AGBL4: variants seen among roughly 807,000 people sequenced by gnomAD.
AGBL4 encodes the protein AGBL carboxypeptidase 4.
A neutral mutation model predicts 66.4 loss-of-function variants in AGBL4; 58 were observed. That is an observed-to-expected ratio of 0.87 (90% confidence interval 0.71 to 1.09). The LOEUF (loss-of-function observed/expected upper bound fraction) is 1.09, where lower values mean the gene tolerates loss of function less well. AGBL4 is among the 50% of genes least tolerant of loss of function. The pLI is 0.00. For missense variants in AGBL4, 579 were observed against 631.0 expected, an observed-to-expected ratio of 0.92 and a Z score of 0.88; for synonymous variants, 234 against 222.9, an observed-to-expected ratio of 1.05 and a Z score of -0.44.
At chr1:49,417,263 G>A (rs974754193) in intron 3 of AGBL4, among the ~76,000 whole-genome samples, 3 of 152,002 alleles carry the variant, frequency 2.0e-5, no homozygotes, top group African/African-American at 7.2e-5. Context: ...TAATCAAGCA[G>A]TTCATTAAAC....
chr1:49,301,025 T>C (rs1644735467), intron 3 of AGBL4, among the ~76,000 whole-genome samples: 1 of 152,216 alleles, frequency 6.6e-6, no homozygotes, highest in Non-Finnish European at 1.5e-5. Context: ...TAAGAGCTCC[T>C]TGAGGACAAG....
At chr1:49,978,061 T>C (rs1397950570) in intron 1 of AGBL4, among the ~76,000 whole-genome samples, 1 of 152,228 alleles carries the variant, frequency 6.6e-6, no homozygotes, top group Admixed American at 6.5e-5. Flanking sequence ...CAAATTTGAC[T>C]GAAAATTTGG....
At chr1:48,950,377 C>T (rs1009222206) in intron 5 of AGBL4, among the ~76,000 whole-genome samples, 1 of 152,152 alleles carries the variant, frequency 6.6e-6, no homozygotes, top group African/African-American at 2.4e-5. Context: ...GGATTACAGG[C>T]GTGAGCCACC....
At chr1:49,846,014 T>G (rs776672299) in intron 2 of AGBL4, 33 of 1,594,964 alleles carry the variant, frequency 2.1e-5, no homozygotes, top group Non-Finnish European at 2.8e-5. Flanking sequence ...ATGCAACCAG[T>G]GTGGCAGAGC....
intron 9 of AGBL4, among the ~76,000 whole-genome samples, chr1:48,603,964 CAACAACAACAAA>C (rs1645114405): frequency 6.6e-6 from 1 of 151,786 alleles, no homozygotes; most frequent in Non-Finnish European, 1.5e-5. Context: ...ACAACAACAA[CAACAACAACAAA>C]AACCAAAAAT....
intron 4 of AGBL4, among the ~76,000 whole-genome samples, chr1:49,122,125 C>G (rs1218415557): frequency 6.6e-6 from 1 of 152,218 alleles, no homozygotes; most frequent in Non-Finnish European, 1.5e-5. Flanking sequence ...CACAGCTTCC[C>G]TTGGCTAGGA....
Position 49,371,817 on chromosome 1 carries a change from C to CTGTGTG in AGBL4, c.283-125959_283-125954dup, listed in dbSNP as rs55882947. Among the ~76,000 whole-genome samples, 1,005 of 140,034 alleles carry CTGTGTG rather than the reference C, an allele frequency of 7.2e-3. 7 individuals carry two copies. The highest frequency in any genetic ancestry group is 0.012 in the Admixed American group (170 of 13,898). 91.9% of individuals were successfully genotyped at this position (140,034 alleles called of 152,430 possible). A position where few individuals can be genotyped will look rare whatever the true frequency, so the allele number is the denominator to read the frequency against. ...GTCAGAGCCAGTGACTTTTCAAACT[C>CTGTGTG]TGTGTGTGTGTGTGTGTGTGTGTGT... is the stretch of plus-strand genomic sequence containing the variant. On this transcript the variant is annotated intron_variant, in intron 3 of 13. Transcript: ENST00000371839.
chr1:49,739,602 G>C (rs544755091), intron 2 of AGBL4, among the ~76,000 whole-genome samples: 1 of 152,252 alleles, frequency 6.6e-6, no homozygotes, highest in Non-Finnish European at 1.5e-5. Flanking sequence ...ACACATACTT[G>C]TCAGATTCAC....
chr1:48,861,987 A>G (rs10788898), intron 6 of AGBL4, among the ~76,000 whole-genome samples: 1 of 151,734 alleles, frequency 6.6e-6, no homozygotes, highest in African/African-American at 2.4e-5. Context: ...CAAATATAAT[A>G]TTTTACCACC....
intron 8 of AGBL4, 134 bp downstream of exon 8, chr1:48,653,203 G>T: frequency 1.5e-6 from 1 of 653,362 alleles, no homozygotes; most frequent in Non-Finnish European, 2.5e-6. Flanking sequence ...TCAAGAGCCA[G>T]GGTGAAACTT....
At chr1:49,704,970 A>G (rs1311770515) in intron 2 of AGBL4, among the ~76,000 whole-genome samples, 2 of 152,116 alleles carry the variant, frequency 1.3e-5, no homozygotes, top group Non-Finnish European at 2.9e-5. Context: ...AAGAATGTCA[A>G]TGGTAACTTG....
chr1:49,178,820 AT>A (rs1327093942), intron 4 of AGBL4, among the ~76,000 whole-genome samples: 3 of 152,210 alleles, frequency 2.0e-5, no homozygotes, highest in Non-Finnish European at 2.9e-5. Flanking sequence ...TGTCGAATGA[AT>A]TAATAAATGA....
intron 2 of AGBL4, among the ~76,000 whole-genome samples, chr1:49,701,670 C>T (rs1410018525): frequency 6.6e-6 from 1 of 151,668 alleles, no homozygotes. Flanking sequence ...GAATAGAAAA[C>T]ATTACTGAAA....
At chr1:49,413,974 A>T (rs537869660) in intron 3 of AGBL4, among the ~76,000 whole-genome samples, 1 of 152,242 alleles carries the variant, frequency 6.6e-6, no homozygotes, top group African/African-American at 2.4e-5. Flanking sequence ...CTCAAAATAC[A>T]AATAAAACAA....
At chr1:48,684,986 G>A (rs774216843) in intron 6 of AGBL4, among the ~76,000 whole-genome samples, 5 of 152,182 alleles carry the variant, frequency 3.3e-5, no homozygotes, top group Non-Finnish European at 5.9e-5. Flanking sequence ...GAGCTCTGAA[G>A]GCAAATGACT....
Position 48,539,819 on chromosome 1 carries a change from C to CT in AGBL4, c.1268-82_1268-81insA, listed in dbSNP as rs553826794. 891 of 974,898 alleles carry CT rather than the reference C, an allele frequency of 9.1e-4. 3 individuals are homozygous for CT. In the African/African-American group the frequency reaches 0.013, roughly 14 times the overall value. 60.4% of individuals were successfully genotyped at this position (974,898 alleles called of 1,614,324 possible). ...AGAGAACTACTAATAAAAATAATAA[C>CT]AGTAATAAAAACAGTTACACACTCA... On this transcript the variant is annotated intron_variant, in intron 11 of 13. Transcript: ENST00000371839.
intron 3 of AGBL4, among the ~76,000 whole-genome samples, chr1:49,506,123 A>G (rs1230262140): frequency 6.6e-6 from 1 of 151,980 alleles, no homozygotes; most frequent in Non-Finnish European, 1.5e-5. Flanking sequence ...GTGTATGTGT[A>G]ACATCTATTA....
At chr1:48,530,929 G>C (rs866852117), downstream of AGBL4, among the ~76,000 whole-genome samples, 3 of 152,172 alleles carry the variant, frequency 2.0e-5, no homozygotes, top group African/African-American at 7.2e-5. Flanking sequence ...CCCCCTGCTG[G>C]AGCCAGGTGG....
At chr1:48,563,220 T>C (rs143088585) in intron 11 of AGBL4, among the ~76,000 whole-genome samples, 2 of 152,342 alleles carry the variant, frequency 1.3e-5, no homozygotes, top group African/African-American at 4.8e-5. Context: ...AACATCCAAT[T>C]AACACAGCTA....
Sources: allele counts gnomAD v4.1 joint callset (sites outside exome capture counted in the v4.1 genomes callset), GRCh38; gene constraint gnomAD v4.1.1; transcripts MANE v1.5; gene names NCBI Gene and HGNC (gene_info 2026-07-23, HGNC 2026-07-21).